RBMS3: variants seen among roughly 807,000 people sequenced by gnomAD.
RBMS3 encodes RNA binding motif single stranded interacting protein 3.
RBMS3 carries 27 observed loss-of-function variants against 66.8 expected under a neutral mutation model. That is an observed-to-expected ratio of 0.40 (90% CI 0.30 to 0.56). The LOEUF (loss-of-function observed/expected upper bound fraction) is 0.56. Ranked by LOEUF, RBMS3 falls within the 20% of genes least tolerant of loss-of-function variation. The pLI, the probability that RBMS3 is intolerant of heterozygous loss-of-function variation, is 0.40. For synonymous variants in RBMS3, 188 were observed against 183.0 expected (o/e 1.03, Z -0.22); for missense variants, 513 against 549.5 (o/e 0.93, Z 0.66).
At chr3:29,839,389 CCAAT>C (rs1398012052) in intron 6 of RBMS3, among the ~76,000 whole-genome samples, 1 of 152,014 alleles carries the variant, frequency 6.6e-6, no homozygotes, top group African/African-American at 2.4e-5. Flanking sequence ...ACATCTGCTG[CCAAT>C]ATTTTGCTTA....
At chr3:29,865,687 A>G (rs2059342333) in intron 6 of RBMS3, among the ~76,000 whole-genome samples, 1 of 152,192 alleles carries the variant, frequency 6.6e-6, no homozygotes, top group South Asian at 2.1e-4. Flanking sequence ...GACATCCAAG[A>G]GGACAATCAA....
intron 3 of RBMS3, among the ~76,000 whole-genome samples, chr3:29,576,468 T>C (rs1187935753): frequency 6.6e-6 from 1 of 151,780 alleles, no homozygotes; most frequent in African/African-American, 2.4e-5. Flanking sequence ...CAAGGCCCAC[T>C]CTAACCACTA....
chr3:30,003,626 A>G (rs1032264598), intron 14 of RBMS3, among the ~76,000 whole-genome samples: 3 of 151,926 alleles, frequency 2.0e-5, no homozygotes, highest in African/African-American at 7.2e-5. Context: ...AACATAAGCT[A>G]TTACCCTTGA....
chr3:29,766,567 T>C (rs2055937467), intron 6 of RBMS3: 1 of 152,112 alleles, frequency 6.6e-6, no homozygotes. Context: ...AGATATCTTT[T>C]TGGAACACGC....
intron 12 of RBMS3, among the ~76,000 whole-genome samples, chr3:29,983,257 C>A (rs372107090): frequency 4.2e-5 from 5 of 119,894 alleles, no homozygotes; most frequent in African/African-American, 1.5e-4. Flanking sequence ...TTTTTGCTTT[C>A]TATTTGCTTG....
At chr3:29,371,605 A>C (rs1231066828) in intron 1 of RBMS3, among the ~76,000 whole-genome samples, 8 of 152,200 alleles carry the variant, frequency 5.3e-5, no homozygotes, top group Non-Finnish European at 1.0e-4. Context: ...AATATGTATG[A>C]GTGTATATGA....
intron 1 of RBMS3, among the ~76,000 whole-genome samples, chr3:29,414,652 G>C (rs535435611): frequency 6.6e-6 from 1 of 152,224 alleles, no homozygotes; most frequent in East Asian, 1.9e-4. Context: ...GCATACTTGG[G>C]AGATAATGTT....
intron 4 of RBMS3, among the ~76,000 whole-genome samples, chr3:29,678,656 C>G (rs1468999229): frequency 2.0e-5 from 3 of 151,842 alleles, no homozygotes; most frequent in Non-Finnish European, 4.4e-5. Context: ...TATGGTTTGA[C>G]AAAAAATATT....
At chr3:29,846,746 A>G (rs2058789592) in intron 6 of RBMS3, among the ~76,000 whole-genome samples, 1 of 152,222 alleles carries the variant, frequency 6.6e-6, no homozygotes, top group Admixed American at 6.5e-5. Flanking sequence ...AGGAAGATAC[A>G]TTTTACTTCA....
chr3:29,454,523 G>A (rs867645296), intron 2 of RBMS3, among the ~76,000 whole-genome samples: 1 of 152,146 alleles, frequency 6.6e-6, no homozygotes, highest in Non-Finnish European at 1.5e-5. Flanking sequence ...GAGCTCTATT[G>A]TCTCTAATCC....
intron 4 of RBMS3, among the ~76,000 whole-genome samples, chr3:29,600,794 G>A (rs2048117890): frequency 6.6e-6 from 1 of 152,056 alleles, no homozygotes; most frequent in Admixed American, 6.6e-5. Flanking sequence ...AATGGTCATA[G>A]TAAAAGTCAT....
At chr3:29,418,048 G>T (rs6791928) in intron 1 of RBMS3, among the ~76,000 whole-genome samples, 56,351 of 151,620 alleles carry the variant, frequency 0.37, 10,700 homozygotes, top group East Asian at 0.51. Flanking sequence ...TTCCCCTTTG[G>T]GTCTTCAATA....
chr3:29,608,821 T>G (rs2048396773), intron 4 of RBMS3, among the ~76,000 whole-genome samples: 1 of 152,068 alleles, frequency 6.6e-6, no homozygotes, highest in Non-Finnish European at 1.5e-5. Flanking sequence ...ATGTGCTTAA[T>G]GGCATATTTT....
At chr3:29,476,503 G>A (rs920735361) in intron 2 of RBMS3, among the ~76,000 whole-genome samples, 2 of 152,170 alleles carry the variant, frequency 1.3e-5, no homozygotes, top group Non-Finnish European at 2.9e-5. Flanking sequence ...TTTAGCTAAA[G>A]ACTGGACAAT....
chr3:29,726,257 G>A (rs1010855425), intron 4 of RBMS3, among the ~76,000 whole-genome samples: 6 of 152,024 alleles, frequency 3.9e-5, no homozygotes, highest in Non-Finnish European at 5.9e-5. Flanking sequence ...ATATCATACC[G>A]AATGGGCAAA....
At chr3:29,823,772 A>G (rs1195047494) in intron 6 of RBMS3, among the ~76,000 whole-genome samples, 1 of 152,160 alleles carries the variant, frequency 6.6e-6, no homozygotes. Flanking sequence ...CTTATTTGAG[A>G]ATAGTTATTT....
chr3:29,954,086 G>T (rs1209234919), intron 12 of RBMS3, among the ~76,000 whole-genome samples: 1 of 151,522 alleles, frequency 6.6e-6, no homozygotes, highest in Non-Finnish European at 1.5e-5. Context: ...TTTATTCAAT[G>T]ATGATTTTTC....
At position 29,747,390 on chromosome 3, in the gene RBMS3, GTAGATAGATAGATAGATAGATAGA is replaced by G. The variant is rs56736478; in HGVS notation, c.557+7551_557+7574del. 5.3e-4 allele frequency among the ~76,000 whole-genome samples: 75 copies of G among 141,274 alleles called. 1 individual carries two copies. In the East Asian group the frequency reaches 0.011, roughly 20 times the overall value. The allele number at this position is 141,274 out of a possible 152,430, so 92.7% of individuals were successfully genotyped here. A position where few individuals can be genotyped will look rare whatever the true frequency, so the allele number is the denominator to read the frequency against. On this transcript the variant is annotated intron_variant, in intron 5 of 14. Coordinates refer to ENST00000383767, the MANE Select transcript of RBMS3 (RefSeq NM_001003793.3). Reference sequence around the variant, plus strand: ...TCTATCTATCTAGGTAGGTAGGTAGGTAGATAGATAGATAGATAGATAGATAGATAGATAGATAGATAGATAGAT... The same window carrying G: ...TCTATCTATCTAGGTAGGTAGGTAGGTAGATAGATAGATAGATAGATAGAT...
chr3:29,455,802 A>C (rs1461825926), intron 2 of RBMS3, among the ~76,000 whole-genome samples: 1 of 150,778 alleles, frequency 6.6e-6, no homozygotes, highest in Non-Finnish European at 1.5e-5. Context: ...ACACACACGC[A>C]CAAAAAAAAA....
Sources: gnomAD v4.1 joint callset for allele counts (sites outside exome capture counted in the v4.1 genomes callset) on GRCh38, gnomAD v4.1.1 for gene constraint, MANE v1.5 for transcripts, NCBI Gene and HGNC (gene_info 2026-07-23, HGNC 2026-07-21) for gene names.